The following PLK1 variants were observed in gnomAD, a reference collection of about 807,000 sequenced individuals.
PLK1 encodes polo like kinase 1.
PLK1 carries 6 observed loss-of-function variants against 56.7 expected under a neutral mutation model. The ratio of observed to expected loss-of-function variants is 0.11; its 90% CI spans 0.06 to 0.21. The LOEUF (loss-of-function observed/expected upper bound fraction) is 0.21. PLK1 is among the 10% of genes least tolerant of loss of function. The probability of loss-of-function intolerance (pLI) is 1.00; values close to 1 mark genes in which losing one functional copy is unlikely to be tolerated. For missense variants in PLK1, 546 were observed against 814.4 expected (o/e 0.67, Z 4.01); for synonymous variants, 298 against 325.0 (o/e 0.92, Z 0.89).
rs747225202 is a variant in PLK1 at position 23,689,330 on chromosome 16, G to C, written c.1363G>C (p.Glu455Gln). ...TGATGGTGACAGCCTGCAGTACATA[G>C]AGCGTGACGGCACTGAGTCCTACCT... ...YNDGDSLQYI[E>Q]RDGTESYLTV... Residue 455 changes from glutamate to glutamine, a missense_variant, in exon 8 of 10, where the codon GAG becomes CAG. Physicochemically the swap from Glu to Gln is conservative, Grantham distance 29 (BLOSUM62 2). Coordinates refer to ENST00000300093, the MANE Select transcript of PLK1 (RefSeq NM_005030.6). The surrounding 1 kb of genome is among the most constrained non-coding windows in gnomAD (Gnocchi z 4.8). The C allele has an allele frequency of 6.2e-7, 1 of 1,613,994 alleles. No homozygotes were observed. The highest frequency in any genetic ancestry group is 1.1e-5 in the South Asian group (1 of 91,082).
At chr16:23,687,377 T>C (rs1364037737) in intron 5 of PLK1, 92 bp from the exon 6 acceptor site, 12 of 1,071,910 alleles carry the variant, frequency 1.1e-5, no homozygotes, top group South Asian at 1.8e-5. Flanking sequence ...AAAGCAGTGG[T>C]AGCTAAGAGA....
In PLK1 at chr16:23,687,632, C is replaced by G; in HGVS notation, c.1192+8C>G. ...GTGGGCTGGTCAGGCAAGGTGGGTA[C>G]TGCGGGGCCCTGGGCGGGGCAGGAT... On this transcript the variant is annotated splice_region_variant and intron_variant, in intron 6 of 9. Coordinates refer to ENST00000300093, the MANE Select transcript of PLK1 (RefSeq NM_005030.6). 1 of 1,546,696 alleles carries G rather than the reference C, an allele frequency of 6.5e-7. No individual in the cohort carries two copies. The highest frequency in any genetic ancestry group is 8.8e-7 in the Non-Finnish European group (1 of 1,136,774).
chr16:23,685,202 T>G (rs915143051), intron 5 of PLK1, among the ~76,000 whole-genome samples: 4 of 151,988 alleles, frequency 2.6e-5, no homozygotes, highest in Non-Finnish European at 5.9e-5. Context: ...TGGAATAATT[T>G]TAGGCTTATA....
Position 23,687,522 on chromosome 16 carries a change from C to G in PLK1, c.1090C>G (p.Arg364Gly), listed in dbSNP as rs773883513. Reference sequence around the variant, plus strand: ...CCGGGAAAAAGAAGAACCAGTGGTTCGAGAGACAGGTGAGGTGGTCGACTG... The same window carrying G: ...CCGGGAAAAAGAAGAACCAGTGGTTGGAGAGACAGGTGAGGTGGTCGACTG... ...RPREKEEPVVRETGEVVDCHL... is the reference protein window; with the variant it reads ...RPREKEEPVVGETGEVVDCHL... The change falls in exon 6 of 10, where the codon CGA becomes GGA. Residue 364 changes from arginine to glycine, a missense_variant. Arg to Gly is a moderately radical substitution (Grantham distance 125, BLOSUM62 -2). Coordinates refer to ENST00000300093, the MANE Select transcript of PLK1 (RefSeq NM_005030.6). The G allele has an allele frequency of 6.2e-7, 1 of 1,601,820 alleles. No homozygotes were observed. Among genetic ancestry groups the G allele is most frequent in the South Asian group, 1.1e-5 (1 of 89,136 alleles).
chr16:23,687,220 T>G (rs968986917), intron 5 of PLK1: 3 of 293,338 alleles, frequency 1.0e-5, no homozygotes, highest in African/African-American at 6.5e-5. Context: ...GCTGTTTGCC[T>G]GAGTGGCAGG....
Position 23,689,754 on chromosome 16 carries a change from T to A in PLK1, c.1608+78T>A. 6.5e-7 allele frequency: 1 copy of A among 1,537,914 alleles called. No homozygotes were observed. The highest frequency in any genetic ancestry group is 8.9e-7 in the Non-Finnish European group (1 of 1,123,396). On this transcript the variant is annotated intron_variant, in intron 9 of 9. Coordinates refer to ENST00000300093, the MANE Select transcript of PLK1 (RefSeq NM_005030.6). The surrounding 1 kb of genome is among the most constrained non-coding windows in gnomAD (Gnocchi z 4.8). The stretch of plus-strand genomic sequence containing the variant: ...CTGGCAGTGGCCCATGTGGGTTGAA[T>A]GTGGAGTGAGCGGCTCAGGTACCTA...
intron 4 of PLK1, among the ~76,000 whole-genome samples, chr16:23,682,524 C>CT (rs375256991): frequency 0.03 from 4,106 of 136,120 alleles, 195 homozygotes; most frequent in African/African-American, 0.097. Flanking sequence ...TGGCCTGCAT[C>CT]TTTTTTTTTT....
At position 23,688,753 on chromosome 16, in the gene PLK1, T is replaced by A. The variant is rs996060524; in HGVS notation, c.1270+8T>A. 8.1e-6 allele frequency: 13 copies of A among 1,605,538 alleles called. No homozygotes were observed. The highest frequency in any genetic ancestry group is 1.1e-5 in the Non-Finnish European group (13 of 1,172,236). Reference sequence around the variant, plus strand: ...CGGACAAGTACGGCCTTGGTAGGTTTCTTCCAGAACAGGTGGGTGACTCAG... The same window carrying A: ...CGGACAAGTACGGCCTTGGTAGGTTACTTCCAGAACAGGTGGGTGACTCAG... On this transcript the variant is annotated splice_region_variant and intron_variant, in intron 7 of 9. Coordinates refer to ENST00000300093, the MANE Select transcript of PLK1 (RefSeq NM_005030.6).
chr16:23,685,187 C>T lies in PLK1; in HGVS notation c.1036+1098C>T, dbSNP rs149570247. On this transcript the variant is annotated intron_variant, in intron 5 of 9. Transcript: ENST00000300093. ...TTAGGTATTGGTTTTTCTTAAACTT[C>T]ATTTTGGAATAATTTTAGGCTTATA... Among the ~76,000 whole-genome samples, 877 of 151,710 alleles carry T rather than the reference C, an allele frequency of 5.8e-3. 7 individuals carry two copies. The highest frequency in any genetic ancestry group is 0.02 in the African/African-American group (820 of 41,388).
chr16:23,686,506 T>C (rs1959430414), intron 5 of PLK1, among the ~76,000 whole-genome samples: 1 of 152,040 alleles, frequency 6.6e-6, no homozygotes, highest in African/African-American at 2.4e-5. Context: ...TTTATTATTA[T>C]TTATTTGAGA....
At position 23,689,712 on chromosome 16, in the gene PLK1, G is replaced by T; in HGVS notation, c.1608+36G>T. ...GGTCACCAGGCGCAGGAGAGAGCTG[G>T]GGTAGGCTCCGCATGCCTGGCAGTG... is the stretch of plus-strand genomic sequence containing the variant. On this transcript the variant is annotated intron_variant, in intron 9 of 9. Transcript: ENST00000300093. The surrounding 1 kb of genome is among the most constrained non-coding windows in gnomAD (Gnocchi z 4.8). 6.3e-7 allele frequency: 1 copy of T among 1,578,234 alleles called. No homozygotes were observed.
intron 5 of PLK1, chr16:23,687,226 G>T (rs8043623): frequency 0.12 from 36,779 of 298,382 alleles, 2,705 homozygotes; most frequent in East Asian, 0.24. Context: ...TGCCTGAGTG[G>T]CAGGTCATCC....
intron 1 of PLK1, 103 bp from the exon 2 acceptor site, chr16:23,679,981 C>T (rs1161314596): frequency 4.0e-6 from 3 of 746,806 alleles, no homozygotes; most frequent in African/African-American, 1.8e-5. Flanking sequence ...CCTTGGGAGT[C>T]CAGAGTCCAG....
chr16:23,681,391 T>G (rs1191097220), intron 3 of PLK1, among the ~76,000 whole-genome samples: 1 of 152,158 alleles, frequency 6.6e-6, no homozygotes, highest in Non-Finnish European at 1.5e-5. Context: ...CCAGACTACT[T>G]ACTGGATCAG....
At chr16:23,681,797 G>A (rs1950431622) in intron 3 of PLK1, among the ~76,000 whole-genome samples, 1 of 152,218 alleles carries the variant, frequency 6.6e-6, no homozygotes, top group Admixed American at 6.5e-5. Flanking sequence ...CCCTTGCACA[G>A]AGTCCTAGAT....
chr16:23,683,899 C>G lies in PLK1; in HGVS notation c.846C>G (p.Ile282Met), dbSNP rs746888240. The G allele has an allele frequency of 1.2e-6, 2 of 1,613,996 alleles. No individual in the cohort carries two copies. Among genetic ancestry groups the G allele is most frequent in the African/African-American group, 2.7e-5 (2 of 74,908 alleles). ...KHINPVAASLIQKMLQTDPTA... is the reference protein window; with the variant it reads ...KHINPVAASLMQKMLQTDPTA... Reference sequence around the variant, plus strand: ...TCAACCCCGTGGCCGCCTCCCTCATCCAGAAGATGCTTCAGACAGATCCCA... The same window carrying G: ...TCAACCCCGTGGCCGCCTCCCTCATGCAGAAGATGCTTCAGACAGATCCCA... The change falls in exon 5 of 10, where the codon ATC becomes ATG. Residue 282 changes from isoleucine (I) to methionine (M), a missense_variant. By Grantham distance (10) the Ile-to-Met change is conservative. Coordinates refer to ENST00000300093, the MANE Select transcript of PLK1 (RefSeq NM_005030.6).
chr16:23,683,973 C>T lies in PLK1; in HGVS notation c.920C>T (p.Ser307Phe). The T allele has an allele frequency of 6.2e-7, 1 of 1,614,100 alleles. No individual in the cohort carries two copies. The highest frequency in any genetic ancestry group is 8.5e-7 in the Non-Finnish European group (1 of 1,179,956). Residue 307 changes from serine (S) to phenylalanine (F), a missense_variant, in exon 5 of 10, where the codon TCT (serine) becomes TTT (phenylalanine). Coordinates refer to ENST00000300093, the MANE Select transcript of PLK1 (RefSeq NM_005030.6). ...NELLNDEFFTSGYIPARLPIT... is the reference protein window; with the variant it reads ...NELLNDEFFTFGYIPARLPIT... ...CTGCTTAATGACGAGTTCTTTACTT[C>T]TGGCTATATCCCTGCCCGTCTCCCC...
Position 23,690,319 on chromosome 16 carries a change from G to A in PLK1, c.*256G>A, listed in dbSNP as rs1354797494. ...GTACAGAATATTTCTATTGAATTCG[G>A]AACTGTCCTTTCCTTGGCTTTATGC... On this transcript the variant is annotated 3_prime_UTR_variant, in exon 10 of 10. Coordinates refer to ENST00000300093, the MANE Select transcript of PLK1 (RefSeq NM_005030.6). 30 of 575,154 alleles carry A rather than the reference G, an allele frequency of 5.2e-5. No individual in the cohort carries two copies. The highest frequency in any genetic ancestry group is 6.2e-5 in the Non-Finnish European group (20 of 320,314). 35.6% of individuals were successfully genotyped at this position (575,154 alleles called of 1,614,324 possible).
rs1959309885 is a variant in PLK1 at position 23,680,262 on chromosome 16, T to C, written c.577+10T>C. ...CTGGAGGTGAAAATAGGTGAGTTGC[T>C]GAGCCTGCAGGGGTGCTTGACATCA... On this transcript the variant is annotated intron_variant, in intron 2 of 9. Transcript: ENST00000300093. 3 of 1,613,508 alleles carry C rather than the reference T, an allele frequency of 1.9e-6. No individual in the cohort carries two copies. Among genetic ancestry groups the C allele is most frequent in the Non-Finnish European group, 1.7e-6 (2 of 1,179,494 alleles).
Sources: gnomAD v4.1 joint callset for allele counts (sites outside exome capture counted in the v4.1 genomes callset) on GRCh38, gnomAD v4.1.1 for gene constraint, Gnocchi (gnomAD v3.1) non-coding constraint, MANE v1.5 for transcripts, NCBI Gene and HGNC (gene_info 2026-07-23, HGNC 2026-07-21) for gene names.